The following GRIA1 variants were observed in gnomAD, a reference collection of about 807,000 sequenced individuals.
GRIA1 encodes the protein glutamate ionotropic receptor AMPA type subunit 1.
Under a neutral mutation model 99.2 loss-of-function variants are expected in GRIA1, and 31 were observed. The ratio of observed to expected loss-of-function variants is 0.31; its 90% CI spans 0.23 to 0.42. The LOEUF (loss-of-function observed/expected upper bound fraction) is 0.42, where lower values mean the gene tolerates loss of function less well. Among genes scored for constraint, GRIA1 ranks in the 10% least tolerant of loss-of-function variants. The pLI is 1.00. For synonymous variants in GRIA1, 438 were observed against 432.4 expected, an observed-to-expected ratio of 1.01 and a Z score of -0.16; for missense variants, 782 against 1,157.5, an observed-to-expected ratio of 0.68 and a Z score of 4.71.
rs1489079219 is a variant in GRIA1, at chr5:153,800,796, C to T, written c.2386-1560C>T. On this transcript the variant is annotated intron_variant, in intron 14 of 15. Transcript: ENST00000285900. Reference sequence around the variant, plus strand: ...GGCCACTGACTTATTGGTCAATAAGCGATTCCTTTCCATATGCCCCGATTC... The same window carrying T: ...GGCCACTGACTTATTGGTCAATAAGTGATTCCTTTCCATATGCCCCGATTC... Among the ~76,000 whole-genome samples, 15 of 152,310 alleles carry T rather than the reference C, an allele frequency of 9.8e-5. 1 individual carries two copies. The highest frequency in any genetic ancestry group is 8.5e-4 in the Admixed American group (13 of 15,298).
chr5:153,783,554 C>T (rs1764775706), intron 13 of GRIA1, among the ~76,000 whole-genome samples: 1 of 152,200 alleles, frequency 6.6e-6, no homozygotes, highest in Non-Finnish European at 1.5e-5. Context: ...CTATCCAGGT[C>T]TCTGGGCTGT....
At chr5:153,678,846 T>C (rs549175136) in intron 7 of GRIA1, among the ~76,000 whole-genome samples, 39 of 152,348 alleles carry the variant, frequency 2.6e-4, no homozygotes, top group African/African-American at 9.1e-4. Flanking sequence ...GCTGGGCCCC[T>C]GGCTCTCTGG....
At chr5:153,634,083 G>A (rs895933048) in intron 2 of GRIA1, among the ~76,000 whole-genome samples, 1 of 152,074 alleles carries the variant, frequency 6.6e-6, no homozygotes, top group Non-Finnish European at 1.5e-5. Context: ...TTGGGAGGCC[G>A]AGGCGGGTGG....
Position 153,515,313 on chromosome 5 carries a change from C to A in GRIA1, c.220+21248C>A, listed in dbSNP as rs183322121. Among the ~76,000 whole-genome samples, 5 of 152,244 alleles carry A rather than the reference C, an allele frequency of 3.3e-5. No individual in the cohort carries two copies. The East Asian group carries it at 9.7e-4, about 29-fold the overall frequency. On this transcript the variant is annotated intron_variant, in intron 2 of 15. Transcript: ENST00000285900. ...GAGACTTTAAAAAAAGAAGAAAATT[C>A]TGTTATCTGTGACAACATGAATATA...
chr5:153,623,647 T>A (rs1341518278), intron 2 of GRIA1, among the ~76,000 whole-genome samples: 2 of 152,244 alleles, frequency 1.3e-5, no homozygotes, highest in East Asian at 3.8e-4. Context: ...TGGACGGCGT[T>A]AATATGACAG....
At chr5:153,761,592 T>G (rs1486599783) in intron 11 of GRIA1, among the ~76,000 whole-genome samples, 4 of 152,180 alleles carry the variant, frequency 2.6e-5, no homozygotes, top group Non-Finnish European at 1.5e-5. Context: ...GCAGCCATCA[T>G]GGACAGCATT....
rs530580760 is a variant in GRIA1 at position 153,581,619 on chromosome 5, T to C, written c.221-65309T>C. On this transcript the variant is annotated intron_variant, in intron 2 of 15. Coordinates refer to ENST00000285900, the MANE Select transcript of GRIA1 (RefSeq NM_000827.4). ...GCCATCTCTTCAGTCAGTACTTCGC[T>C]GACCTTCCCCTTTGGCCCCACTCCT... Among the ~76,000 whole-genome samples the C allele has an allele frequency of 1.6e-4, 25 of 152,302 alleles. No individual in the cohort carries two copies. In the East Asian group the frequency reaches 4.6e-3, roughly 28 times the overall value.
intron 11 of GRIA1, among the ~76,000 whole-genome samples, chr5:153,743,805 A>C (rs977590561): frequency 2.1e-4 from 32 of 152,366 alleles, no homozygotes; most frequent in African/African-American, 7.5e-4. Flanking sequence ...TAATCATAGC[A>C]GTAACACCAG....
At position 153,802,437 on chromosome 5, in the gene GRIA1, G is replaced by T. The variant is rs1766106466; in HGVS notation, c.2467G>T (p.Val823Phe). ...LIGGLGLAML[V>F]ALIEFCYKSR... ...CGGAGGACTTGGACTAGCCATGCTG[G>T]TTGCCTTAATCGAGTTCTGCTACAA... Residue 823 changes from valine (V) to phenylalanine (F), a missense_variant, in exon 15 of 16, where the codon GTT becomes TTT. Physicochemically the swap from Val to Phe is conservative, Grantham distance 50. Around this residue, in one of 5 missense-constraint regions of GRIA1, gnomAD observed 119 missense variants for 326.6 expected, o/e 0.36. Coordinates refer to ENST00000285900, the MANE Select transcript of GRIA1 (RefSeq NM_000827.4). The T allele has an allele frequency of 6.2e-7, 1 of 1,613,814 alleles. No homozygotes were observed.
chr5:153,725,484 G>A lies in GRIA1; in HGVS notation c.1823+19417G>A, dbSNP rs555348976. Reference sequence around the variant, plus strand: ...GATAGTCAAGACCCATCAGTGTGCTGTATTCAGGAAACCCATCTCACGTGC... The same window carrying A: ...GATAGTCAAGACCCATCAGTGTGCTATATTCAGGAAACCCATCTCACGTGC... On this transcript the variant is annotated intron_variant, in intron 11 of 15. Coordinates refer to ENST00000285900, the MANE Select transcript of GRIA1 (RefSeq NM_000827.4). Among the ~76,000 whole-genome samples the A allele has an allele frequency of 3.0e-3, 380 of 127,870 alleles. 8 individuals are homozygous for A. The highest frequency in any genetic ancestry group is 0.011 in the African/African-American group (364 of 32,916). The allele number at this position is 127,870 out of a possible 152,430, so 83.9% of individuals were successfully genotyped here. A position where few individuals can be genotyped will look rare whatever the true frequency, so the allele number is the denominator to read the frequency against.
chr5:153,688,483 G>A (rs981706961), intron 8 of GRIA1, among the ~76,000 whole-genome samples: 58 of 152,272 alleles, frequency 3.8e-4, no homozygotes, highest in Non-Finnish European at 6.2e-4. Flanking sequence ...TCTGTAAAAC[G>A]GGCACAGATC....
rs1017882549 is a variant in GRIA1, at chr5:153,802,496, A to T, written c.2520+6A>T. ...GTGAATCCAAGCGGATGAAGGTGGC[A>T]TCGTCTTCCCGGGCCTTTTTCCTAA... is the stretch of plus-strand genomic sequence containing the variant. On this transcript the variant is annotated splice_donor_region_variant and intron_variant, in intron 15 of 15. Coordinates refer to ENST00000285900, the MANE Select transcript of GRIA1 (RefSeq NM_000827.4). 1.2e-6 allele frequency: 2 copies of T among 1,613,796 alleles called. No individual in the cohort carries two copies. Among genetic ancestry groups the T allele is most frequent in the African/African-American group, 1.3e-5 (1 of 74,876 alleles).
rs1237727553 is a variant in GRIA1, at chr5:153,750,853, T to A, written c.1824-13581T>A. Among the ~76,000 whole-genome samples the A allele has an allele frequency of 2.0e-5, 3 of 152,214 alleles. No homozygotes were observed. The East Asian group carries it at 5.8e-4, about 29-fold the overall frequency. On this transcript the variant is annotated intron_variant, in intron 11 of 15. Coordinates refer to ENST00000285900, the MANE Select transcript of GRIA1 (RefSeq NM_000827.4). ...TGGCTTATGCCTGTAATCCCAGCAC[T>A]TTGAGAGGCTGAGGCAGCCGGATCA...
chr5:153,670,666 C>T (rs911122687), intron 5 of GRIA1, among the ~76,000 whole-genome samples: 2 of 151,700 alleles, frequency 1.3e-5, no homozygotes, highest in Admixed American at 6.6e-5. Context: ...AAATATTACC[C>T]TCTAAGGTTT....
intron 2 of GRIA1, among the ~76,000 whole-genome samples, chr5:153,595,501 C>A (rs534810614): frequency 6.6e-6 from 1 of 152,052 alleles, no homozygotes; most frequent in South Asian, 2.1e-4. Context: ...TACACTCTAC[C>A]TCTTTGAGGG....
At chr5:153,656,381 G>GT (rs1351109529) in intron 5 of GRIA1, among the ~76,000 whole-genome samples, 2 of 31,226 alleles carry the variant, frequency 6.4e-5, no homozygotes, top group Non-Finnish European at 1.2e-4. Context: ...AGATAAGTTT[G>GT]TTTATATATA....
intron 2 of GRIA1, among the ~76,000 whole-genome samples, chr5:153,592,092 T>C (rs1231903157): frequency 6.6e-6 from 1 of 152,188 alleles, no homozygotes; most frequent in African/African-American, 2.4e-5. Flanking sequence ...GCACACAGCA[T>C]CCAGAGGGGT....
intron 5 of GRIA1, among the ~76,000 whole-genome samples, chr5:153,660,869 AATT>A (rs1293339025): frequency 6.6e-6 from 1 of 152,116 alleles, no homozygotes; most frequent in Non-Finnish European, 1.5e-5. Context: ...ATTTTATTAA[AATT>A]ATTATTTCTA....
chr5:153,584,494 C>T (rs961850744), intron 2 of GRIA1, among the ~76,000 whole-genome samples: 6 of 152,156 alleles, frequency 3.9e-5, no homozygotes, highest in Non-Finnish European at 8.8e-5. Flanking sequence ...TCAACTGGCT[C>T]CCTCACAGCA....
Sources: allele counts gnomAD v4.1 joint callset (sites outside exome capture counted in the v4.1 genomes callset), GRCh38; gene constraint gnomAD v4.1.1; regional missense constraint gnomAD v4.1.1; transcripts MANE v1.5; gene names NCBI Gene and HGNC (gene_info 2026-07-23, HGNC 2026-07-21).